ICE1: variants seen among roughly 807,000 people sequenced by gnomAD.
ICE1 encodes interactor of little elongation complex ELL subunit 1.
A neutral mutation model predicts 192.7 loss-of-function variants in ICE1; 64 were observed. The observed-to-expected ratio is 0.33, with a 90% CI of 0.27 to 0.41. The LOEUF is 0.41. ICE1 is among the 10% of genes least tolerant of loss of function. The pLI is 1.00. For missense variants in ICE1, 2,708 were observed against 2,696.0 expected (o/e 1.00, Z -0.10); for synonymous variants, 1,010 against 984.5 (o/e 1.03, Z -0.49).
At chr5:5,473,124 A>G (rs934280888) in intron 15 of ICE1, among the ~76,000 whole-genome samples, 9 of 152,254 alleles carry the variant, frequency 5.9e-5, no homozygotes, top group African/African-American at 2.2e-4. Flanking sequence ...GCCAGAAATA[A>G]GAATTCATTA....
At chr5:5,470,627 G>A (rs1320443505) in intron 15 of ICE1, among the ~76,000 whole-genome samples, 1 of 152,126 alleles carries the variant, frequency 6.6e-6, no homozygotes, top group Non-Finnish European at 1.5e-5. Context: ...AAATGTGTAT[G>A]AAGAATATGT....
intron 1 of ICE1, among the ~76,000 whole-genome samples, chr5:5,434,666 A>T (rs1292700081): frequency 1.3e-5 from 2 of 152,212 alleles, no homozygotes; most frequent in African/African-American, 4.8e-5. Context: ...GCTAACCAGG[A>T]TGTAGAAAAC....
chr5:5,487,532 A>ATATT (rs952834902), intron 18 of ICE1, among the ~76,000 whole-genome samples: 8 of 152,186 alleles, frequency 5.3e-5, no homozygotes, highest in Non-Finnish European at 4.4e-5. Context: ...GGGAGACTGT[A>ATATT]TATTTAGCTT....
At chr5:5,470,023 G>C (rs1024493161) in intron 15 of ICE1, among the ~76,000 whole-genome samples, 9 of 152,096 alleles carry the variant, frequency 5.9e-5, no homozygotes, top group Non-Finnish European at 8.8e-5. Context: ...TGCTTTGAGG[G>C]TTACTGCCTT....
At chr5:5,423,086 GCTGTGCCT>G (rs1737367554) in intron 1 of ICE1, 87 bp downstream of exon 1, 1 of 841,070 alleles carries the variant, frequency 1.2e-6, no homozygotes, top group African/African-American at 1.8e-5. Flanking sequence ...GGCCGCGCGG[GCTGTGCCT>G]CAGTGCGCTG....
chr5:5,478,382 G>T (rs1296875976), intron 17 of ICE1, among the ~76,000 whole-genome samples: 2 of 152,100 alleles, frequency 1.3e-5, no homozygotes, highest in Non-Finnish European at 2.9e-5. Context: ...AGAATAAAAT[G>T]CCTAGTAATA....
chr5:5,486,111 TAC>T (rs1739632659), intron 17 of ICE1, among the ~76,000 whole-genome samples: 1 of 152,240 alleles, frequency 6.6e-6, no homozygotes, highest in South Asian at 2.1e-4. Flanking sequence ...TACAGCATGT[TAC>T]AGAGTTCTGT....
intron 17 of ICE1, among the ~76,000 whole-genome samples, chr5:5,477,783 C>T (rs986217263): frequency 2.6e-5 from 4 of 152,176 alleles, no homozygotes; most frequent in African/African-American, 7.2e-5. Context: ...ACTTATCCAC[C>T]ACGATCAAGT....
intron 1 of ICE1, among the ~76,000 whole-genome samples, chr5:5,432,258 A>G (rs1444175983): frequency 1.3e-5 from 2 of 152,176 alleles, no homozygotes; most frequent in Admixed American, 6.5e-5. Flanking sequence ...TGTTAAGGAA[A>G]ATTCATATGA....
intron 15 of ICE1, among the ~76,000 whole-genome samples, chr5:5,472,738 T>C (rs1739196129): frequency 6.6e-6 from 1 of 152,208 alleles, no homozygotes; most frequent in Non-Finnish European, 1.5e-5. Flanking sequence ...CCCAAGCCTT[T>C]TCTTGTATTA....
Position 5,463,120 on chromosome 5 carries a change from T to G in ICE1, c.3786T>G (p.Val1262=). ...TQCSLETLSE[V]LTKIRQELQT... ...GTTCTTTGGAAACTCTGTCTGAGGT[T>G]CTGACCAAGATTAGGCAAGAACTTC... Residue 1262 remains valine (V), a synonymous_variant, in exon 13 of 19, where the codon GTT becomes GTG. Transcript: ENST00000296564. 6.2e-7 allele frequency: 1 copy of G among 1,613,270 alleles called. No individual in the cohort carries two copies.
In ICE1 at chr5:5,468,936, G is replaced by A. The variant is rs181505478; in HGVS notation, c.6170G>A (p.Arg2057His). The part of the protein sequence containing the change: ...NKAMQLVARQ[R>H]AKGEVLNCLR... ...GCAATGCAGTTAGTTGCCAGGCAAC[G>A]TGCTAAAGGAGAGGTTCTGAACTGC... The change falls in exon 15 of 19, where the codon CGT becomes CAT. Residue 2057 changes from arginine to histidine, a missense_variant. Arg to His is a conservative substitution (Grantham distance 29). This residue lies in a region of ICE1 where 342 missense variants were observed against 419.3 expected (regional missense o/e 0.82). Transcript: ENST00000296564. 6.8e-6 allele frequency: 11 copies of A among 1,606,070 alleles called. No individual in the cohort carries two copies. In the Admixed American group the frequency reaches 8.6e-5, roughly 12 times the overall value.
chr5:5,461,637 T>G lies in ICE1; in HGVS notation c.2303T>G (p.Phe768Cys). ...GAGCTCACACTAAATAAGCCAGATT[T>G]CACATCATTAATAGGTTCTCAGGCT... ...RIELTLNKPD[F>C]TSLIGSQAAL... The change falls in exon 13 of 19, where the codon TTC becomes TGC. Residue 768 changes from phenylalanine (F) to cysteine (C), a missense_variant. Physicochemically the swap from Phe to Cys is radical, Grantham distance 205. Around this residue, in one of 2 missense-constraint regions of ICE1, gnomAD observed 2,366 missense variants for 2,276.6 expected, o/e 1.04. Coordinates refer to ENST00000296564, the MANE Select transcript of ICE1 (RefSeq NM_015325.3). The G allele has an allele frequency of 6.2e-7, 1 of 1,613,704 alleles. No individual in the cohort carries two copies. The highest frequency in any genetic ancestry group is 1.1e-5 in the South Asian group (1 of 90,992).
Position 5,461,591 on chromosome 5 carries a change from G to C in ICE1, c.2257G>C (p.Glu753Gln). The C allele has an allele frequency of 1.9e-6, 3 of 1,613,080 alleles. No homozygotes were observed. The highest frequency in any genetic ancestry group is 2.5e-6 in the Non-Finnish European group (3 of 1,179,448). Residue 753 changes from glutamate (E) to glutamine (Q), a missense_variant, in exon 13 of 19, where the codon GAA becomes CAA. Around this residue, in one of 2 missense-constraint regions of ICE1, gnomAD observed 2,366 missense variants for 2,276.6 expected, o/e 1.04. Transcript: ENST00000296564. ...GAAAGCTACAAAAGATGGGCAATGT[G>C]AAAGTCAAGATCCAAGAATTGAGCT... is the stretch of plus-strand genomic sequence containing the variant. ...FMKATKDGQC[E>Q]SQDPRIELTL...
intron 12 of ICE1, among the ~76,000 whole-genome samples, chr5:5,458,126 G>C (rs1738642831): frequency 6.6e-6 from 1 of 152,150 alleles, no homozygotes; most frequent in South Asian, 2.1e-4. Flanking sequence ...CCCTTAACCT[G>C]GTGTAGCCGA....
chr5:5,445,962 G>A (rs530443126), intron 7 of ICE1, among the ~76,000 whole-genome samples: 8 of 149,878 alleles, frequency 5.3e-5, no homozygotes, highest in African/African-American at 1.5e-4. Context: ...CAGGTGATCC[G>A]CCTGCCTCAG....
chr5:5,445,297 A>G (rs1460803998), intron 7 of ICE1, among the ~76,000 whole-genome samples: 2 of 152,240 alleles, frequency 1.3e-5, no homozygotes, highest in East Asian at 3.8e-4. Flanking sequence ...TGATTATTGC[A>G]TGAATACTGA....
intron 5 of ICE1, among the ~76,000 whole-genome samples, chr5:5,441,720 A>T (rs1738059232): frequency 6.6e-6 from 1 of 152,038 alleles, no homozygotes; most frequent in African/African-American, 2.4e-5. Flanking sequence ...CCTTTAAAGA[A>T]CCTACTCTCA....
At chr5:5,472,404 T>C (rs1739187853) in intron 15 of ICE1, among the ~76,000 whole-genome samples, 1 of 152,240 alleles carries the variant, frequency 6.6e-6, no homozygotes, top group Non-Finnish European at 1.5e-5. Context: ...ATGGAGCGTG[T>C]ATTGTATACA....
Sources: allele counts gnomAD v4.1 joint callset (sites outside exome capture counted in the v4.1 genomes callset), GRCh38; gene constraint gnomAD v4.1.1; regional missense constraint gnomAD v4.1.1; transcripts MANE v1.5; gene names NCBI Gene and HGNC (gene_info 2026-07-23, HGNC 2026-07-21).